Variants in MINDY3 observed in about 807,000 individuals in gnomAD.
MINDY3 encodes ubiquitin carboxyl-terminal hydrolase MINDY-3.
Under a neutral mutation model 69.2 loss-of-function variants are expected in MINDY3, and 38 were observed. The ratio of observed to expected loss-of-function variants is 0.55; its 90% CI spans 0.42 to 0.72. The LOEUF is 0.72. MINDY3 is among the 30% of genes least tolerant of loss of function. MINDY3 has a pLI of 0.00. For synonymous variants in MINDY3, 192 were observed against 180.1 expected, an observed-to-expected ratio of 1.07 and a Z score of -0.53; for missense variants, 522 against 519.0, an observed-to-expected ratio of 1.01 and a Z score of -0.06.
At chr10:15,817,043 G>C (rs966729490) in intron 9 of MINDY3, 128 bp from the exon 10 acceptor site, 2 of 694,570 alleles carry the variant, frequency 2.9e-6, no homozygotes, top group Non-Finnish European at 4.9e-6. Context: ...TATTGTGCCC[G>C]AGCACTTCAC....
At chr10:15,855,695 A>G (rs1045984439) in intron 1 of MINDY3, among the ~76,000 whole-genome samples, 1 of 152,116 alleles carries the variant, frequency 6.6e-6, no homozygotes, top group Non-Finnish European at 1.5e-5. Flanking sequence ...TGACAACTAT[A>G]CCTTCTACAA....
At chr10:15,801,341 A>T (rs924462194) in intron 10 of MINDY3, among the ~76,000 whole-genome samples, 1 of 152,124 alleles carries the variant, frequency 6.6e-6, no homozygotes, top group Non-Finnish European at 1.5e-5. Flanking sequence ...CTTTGAAGGG[A>T]AAAGATAACA....
intron 1 of MINDY3, among the ~76,000 whole-genome samples, chr10:15,851,090 G>A (rs1023853031): frequency 6.6e-6 from 1 of 152,122 alleles, no homozygotes; most frequent in African/African-American, 2.4e-5. Flanking sequence ...AATCTGAAAT[G>A]CTGACCACAA....
rs1472566195 is a variant in MINDY3 at position 15,841,613 on chromosome 10, A to G, written c.236-14T>C. 3 of 1,581,462 alleles carry G rather than the reference A, an allele frequency of 1.9e-6. No homozygotes were observed. The highest frequency in any genetic ancestry group is 2.6e-6 in the Non-Finnish European group (3 of 1,162,368). On this transcript the variant is annotated splice_polypyrimidine_tract_variant and intron_variant, in intron 3 of 14. Coordinates refer to ENST00000277632, the MANE Select transcript of MINDY3 (RefSeq NM_024948.4). ...TCTGCTCTTCCTCTAAAAATAACCA[A>G]AGCATAAGTTATAATGGTTTCCTCT...
intron 1 of MINDY3, among the ~76,000 whole-genome samples, chr10:15,855,460 G>A (rs549831988): frequency 3.3e-5 from 5 of 151,124 alleles, no homozygotes; most frequent in South Asian, 2.1e-4. Flanking sequence ...ATAAATGGCC[G>A]TTTTTCCTGA....
At chr10:15,813,708 C>T (rs539296929) in intron 10 of MINDY3, among the ~76,000 whole-genome samples, 22 of 152,246 alleles carry the variant, frequency 1.4e-4, no homozygotes, top group Middle Eastern at 6.8e-3. Flanking sequence ...CTATTACCAC[C>T]TTCACCGCAT....
rs776784319 is a variant in MINDY3, at chr10:15,837,310, G to C, written c.470C>G (p.Ser157Trp). 3 of 1,589,750 alleles carry C rather than the reference G, an allele frequency of 1.9e-6. No homozygotes were observed. The highest frequency in any genetic ancestry group is 1.4e-5 in the African/African-American group (1 of 73,592). The change falls in exon 6 of 15, where the codon TCG becomes TGG. Residue 157 changes from serine to tryptophan, a missense_variant. Ser to Trp is a radical substitution (Grantham distance 177, BLOSUM62 -3). Coordinates refer to ENST00000277632, the MANE Select transcript of MINDY3 (RefSeq NM_024948.4). ...TTTTAATTCTGGTAAACTTCTGAAC[G>C]ATCTTTTTCTGGGGGAAAAAAAGAA... The part of the protein sequence containing the change: ...ERFHALIQKR[S>W]FRSLPELKDA...
At chr10:15,788,427 G>A (rs552834637) in intron 12 of MINDY3, among the ~76,000 whole-genome samples, 8 of 152,072 alleles carry the variant, frequency 5.3e-5, no homozygotes, top group African/African-American at 1.4e-4. Flanking sequence ...ATCTAAAAAC[G>A]GAACAAGACC....
intron 13 of MINDY3, among the ~76,000 whole-genome samples, chr10:15,784,307 T>C (rs529859832): frequency 2.3e-4 from 35 of 152,320 alleles, no homozygotes; most frequent in South Asian, 4.1e-4. Context: ...TTTTTCTTCC[T>C]GCATCAGCCT....
At chr10:15,828,117 T>A (rs1185424357) in intron 8 of MINDY3, among the ~76,000 whole-genome samples, 3 of 152,088 alleles carry the variant, frequency 2.0e-5, no homozygotes, top group Non-Finnish European at 4.4e-5. Context: ...AAAATATACA[T>A]CTCATAAAAA....
At position 15,782,745 on chromosome 10, in the gene MINDY3, G is replaced by T. The variant is rs528713739; in HGVS notation, c.1117-519C>A. ...ATTGTCAACCATTAATTAGTGAAAA[G>T]AGCACTGTGAGAAATGAAAACATAC... On this transcript the variant is annotated intron_variant, in intron 13 of 14. Coordinates refer to ENST00000277632, the MANE Select transcript of MINDY3 (RefSeq NM_024948.4). Among the ~76,000 whole-genome samples, 178 of 152,214 alleles carry T rather than the reference G, an allele frequency of 1.2e-3. 1 individual carries two copies. Among genetic ancestry groups the T allele is most frequent in the Non-Finnish European group, 2.3e-3 (155 of 68,012 alleles).
intron 10 of MINDY3, 23 bp from the exon 11 acceptor site, chr10:15,796,195 G>T: frequency 1.3e-6 from 2 of 1,585,460 alleles, no homozygotes. Context: ...GAAGCATGTT[G>T]TCAACCAGCT....
At chr10:15,796,052 C>A in intron 11 of MINDY3, 48 bp downstream of exon 11, 1 of 1,367,998 alleles carries the variant, frequency 7.3e-7, no homozygotes. Context: ...CAATGTATTT[C>A]AAACATATGA....
intron 9 of MINDY3, 138 bp from the exon 10 acceptor site, chr10:15,817,053 C>G: frequency 1.5e-6 from 1 of 650,492 alleles, no homozygotes; most frequent in South Asian, 2.0e-5. Flanking sequence ...GAGCACTTCA[C>G]CCATAGAGAT....
At position 15,852,739 on chromosome 10, in the gene MINDY3, G is replaced by A. The variant is rs543922981; in HGVS notation, c.95-4796C>T. ...ATTTTAAAAGGTTGAAGTGTAATTCGGATTAGAAAGAGAAATAGTAAAAGC... is the reference window on the plus strand; with the variant it reads ...ATTTTAAAAGGTTGAAGTGTAATTCAGATTAGAAAGAGAAATAGTAAAAGC... On this transcript the variant is annotated intron_variant, in intron 1 of 14. Coordinates refer to ENST00000277632, the MANE Select transcript of MINDY3 (RefSeq NM_024948.4). Among the ~76,000 whole-genome samples, 3 of 152,150 alleles carry A rather than the reference G, an allele frequency of 2.0e-5. No homozygotes were observed. In the South Asian group the frequency reaches 6.2e-4, roughly 32 times the overall value.
chr10:15,838,329 C>A, intron 4 of MINDY3, 50 bp from the exon 5 acceptor site: 1 of 1,486,514 alleles, frequency 6.7e-7, no homozygotes, highest in Non-Finnish European at 9.1e-7. Context: ...ATAAATGACA[C>A]AAGATACACA....
chr10:15,817,084 G>A, intron 9 of MINDY3, 169 bp from the exon 10 acceptor site: 1 of 601,336 alleles, frequency 1.7e-6, no homozygotes, highest in Non-Finnish European at 2.9e-6. Flanking sequence ...ATGTAAAAAT[G>A]AGTGTTAGAA....
chr10:15,843,073 C>A, intron 3 of MINDY3, 139 bp downstream of exon 3: 1 of 694,324 alleles, frequency 1.4e-6, no homozygotes, highest in Non-Finnish European at 2.5e-6. Context: ...AGTCACTGTT[C>A]ATGAAACTTT....
intron 13 of MINDY3, among the ~76,000 whole-genome samples, chr10:15,783,572 C>G (rs965831391): frequency 6.6e-6 from 1 of 152,104 alleles, no homozygotes; most frequent in Non-Finnish European, 1.5e-5. Context: ...TTTTACTACA[C>G]TGGAACTTAA....
Sources: gnomAD v4.1 joint callset for allele counts (sites outside exome capture counted in the v4.1 genomes callset) on GRCh38, gnomAD v4.1.1 for gene constraint, MANE v1.5 for transcripts, NCBI Gene and HGNC (gene_info 2026-07-23, HGNC 2026-07-21) for gene names.